DCP1B: variants seen among roughly 807,000 people sequenced by gnomAD.
DCP1B encodes mRNA-decapping enzyme 1B.
In DCP1B, 47 loss-of-function variants were observed where a neutral mutation model predicts 60.5. The ratio of observed to expected loss-of-function variants is 0.78; its 90% CI spans 0.61 to 0.99. The LOEUF is 0.99. Among genes scored for constraint, DCP1B ranks in the 50% least tolerant of loss-of-function variants. DCP1B has a pLI of 0.00. For missense variants in DCP1B, 725 were observed against 756.8 expected, an observed-to-expected ratio of 0.96 and a Z score of 0.49; for synonymous variants, 267 against 280.3, an observed-to-expected ratio of 0.95 and a Z score of 0.47.
At chr12:1,958,457 G>A (rs558711679) in intron 5 of DCP1B, among the ~76,000 whole-genome samples, 111 of 140,572 alleles carry the variant, frequency 7.9e-4, no homozygotes, top group African/African-American at 6.7e-4. Context: ...GCTCCCTAAC[G>A]TCGCTCTGGG....
chr12:1,956,743 C>A (rs1200222403), intron 5 of DCP1B, among the ~76,000 whole-genome samples: 1 of 152,208 alleles, frequency 6.6e-6, no homozygotes, highest in Non-Finnish European at 1.5e-5. Context: ...CAAGACAAGA[C>A]AAGAATACAG....
chr12:1,994,168 C>T (rs1013248043), intron 2 of DCP1B, among the ~76,000 whole-genome samples: 20 of 152,172 alleles, frequency 1.3e-4, no homozygotes, highest in Non-Finnish European at 2.9e-5. Flanking sequence ...TTCATCTACC[C>T]TTGGGTGACA....
intron 7 of DCP1B, chr12:1,950,198 T>C (rs2030611945): frequency 3.3e-6 from 2 of 611,966 alleles, no homozygotes; most frequent in Admixed American, 5.4e-5. Context: ...CCTTAGCGTC[T>C]CTTTGAGCAA....
At chr12:1,987,979 T>A (rs1467690928) in intron 3 of DCP1B, among the ~76,000 whole-genome samples, 1 of 152,204 alleles carries the variant, frequency 6.6e-6, no homozygotes, top group Non-Finnish European at 1.5e-5. Context: ...TTGTAAATTT[T>A]TTCTTGGATA....
intron 3 of DCP1B, among the ~76,000 whole-genome samples, chr12:1,980,143 T>TC (rs2035688295): frequency 6.6e-6 from 1 of 152,118 alleles, no homozygotes; most frequent in Non-Finnish European, 1.5e-5. Context: ...GGCATACATA[T>TC]CCACCTAAAA....
At chr12:1,973,258 C>G (rs897694873) in intron 3 of DCP1B, among the ~76,000 whole-genome samples, 10 of 152,072 alleles carry the variant, frequency 6.6e-5, no homozygotes, top group Admixed American at 3.3e-4. Context: ...ATCCCATGAC[C>G]TGAGAATAAT....
rs755196890 is a variant in DCP1B at position 1,952,675 on chromosome 12, T to A, written c.1265A>T (p.His422Leu). 22 of 1,614,038 alleles carry A rather than the reference T, an allele frequency of 1.4e-5. No individual in the cohort carries two copies. The highest frequency in any genetic ancestry group is 1.8e-5 in the Non-Finnish European group (21 of 1,180,026). Residue 422 changes from histidine (H) to leucine (L), a missense_variant, in exon 7 of 9, where the codon CAT becomes CTT. Physicochemically the swap from His to Leu is moderately conservative, Grantham distance 99 (BLOSUM62 -3). Transcript: ENST00000280665. ...LPPQTVGHQAHGREQSTLPRQ... is the reference protein window; with the variant it reads ...LPPQTVGHQALGREQSTLPRQ... The stretch of plus-strand genomic sequence containing the variant: ...TGGGAGTGTGGACTGTTCTCTTCCA[T>A]GAGCCTGATGTCCTACTGTCTGAGG...
chr12:1,950,546 G>A (rs980938873), intron 7 of DCP1B, among the ~76,000 whole-genome samples: 1 of 152,134 alleles, frequency 6.6e-6, no homozygotes. Context: ...TATAGCAGTC[G>A]GTACTCAGAT....
chr12:1,978,978 G>A (rs2035272904), intron 3 of DCP1B, among the ~76,000 whole-genome samples: 3 of 152,114 alleles, frequency 2.0e-5, no homozygotes, highest in African/African-American at 7.2e-5. Context: ...TTGCTATTAT[G>A]AATAAAACTG....
chr12:1,949,451 G>A, intron 7 of DCP1B, 117 bp from the exon 8 acceptor site: 1 of 1,434,612 alleles, frequency 7.0e-7, no homozygotes, highest in Non-Finnish European at 9.4e-7. Context: ...TCCTAGCTGA[G>A]AAAAGTTTAT....
intron 3 of DCP1B, among the ~76,000 whole-genome samples, chr12:1,975,286 A>C (rs1445202129): frequency 6.6e-6 from 1 of 152,156 alleles, no homozygotes; most frequent in Non-Finnish European, 1.5e-5. Flanking sequence ...AGGTAATTCT[A>C]ATACAAGTTC....
chr12:1,966,594 G>A (rs1274698777), intron 4 of DCP1B, among the ~76,000 whole-genome samples: 2 of 152,130 alleles, frequency 1.3e-5, no homozygotes, highest in African/African-American at 2.4e-5. Flanking sequence ...TTTCCTGCCC[G>A]AGCTGTTAGG....
At chr12:1,961,728 C>T (rs549896136) in intron 5 of DCP1B, among the ~76,000 whole-genome samples, 7 of 152,172 alleles carry the variant, frequency 4.6e-5, no homozygotes, top group African/African-American at 7.2e-5. Flanking sequence ...GAAAACTCCA[C>T]GTAAAAAGTG....
intron 3 of DCP1B, among the ~76,000 whole-genome samples, chr12:1,976,993 T>C (rs934093483): frequency 6.6e-6 from 1 of 152,192 alleles, no homozygotes; most frequent in African/African-American, 2.4e-5. Context: ...ACTATCAATA[T>C]GCCAATAAAT....
At chr12:1,992,437 AAAATATAC>A (rs1398416428) in intron 3 of DCP1B, 4 of 153,378 alleles carry the variant, frequency 2.6e-5, no homozygotes, top group African/African-American at 9.6e-5. Flanking sequence ...AGTAGGATGA[AAAATATAC>A]AGAAAACATT....
chr12:1,988,288 G>C (rs1055160741), intron 3 of DCP1B, among the ~76,000 whole-genome samples: 3 of 152,176 alleles, frequency 2.0e-5, no homozygotes, highest in Non-Finnish European at 4.4e-5. Flanking sequence ...CCTCTGCCTG[G>C]AATATTGCTG....
chr12:1,973,781 AAAC>A (rs1592865518), intron 3 of DCP1B, among the ~76,000 whole-genome samples: 1 of 152,338 alleles, frequency 6.6e-6, no homozygotes, highest in East Asian at 1.9e-4. Context: ...ATATAAATAG[AAAC>A]AACTTATTCT....
chr12:1,979,880 T>G (rs904918963), intron 3 of DCP1B, among the ~76,000 whole-genome samples: 3 of 152,196 alleles, frequency 2.0e-5, no homozygotes, highest in Non-Finnish European at 2.9e-5. Flanking sequence ...GAAGAAATGC[T>G]CAATACAGTC....
intron 7 of DCP1B, chr12:1,950,455 A>C: frequency 1.4e-6 from 1 of 698,760 alleles, no homozygotes; most frequent in Non-Finnish European, 2.6e-6. Context: ...CTAAATCATC[A>C]AAGAGGAAAA....
Sources: allele counts gnomAD v4.1 joint callset (sites outside exome capture counted in the v4.1 genomes callset), GRCh38; gene constraint gnomAD v4.1.1; transcripts MANE v1.5; gene names NCBI Gene and HGNC (gene_info 2026-07-23, HGNC 2026-07-21).